The following FGF13 variants were observed in gnomAD, a reference collection of about 807,000 sequenced individuals.
The protein encoded by FGF13 is fibroblast growth factor homologous factor 2.
Under a neutral mutation model 19.5 loss-of-function variants are expected in FGF13, and 2 were observed. The ratio of observed to expected loss-of-function variants is 0.10; its 90% CI spans 0.04 to 0.32. The LOEUF (loss-of-function observed/expected upper bound fraction) is 0.32, where lower values mean the gene tolerates loss of function less well. FGF13 is among the 10% of genes least tolerant of loss of function. FGF13 has a pLI of 1.00. For synonymous variants in FGF13, 72 were observed against 76.9 expected (o/e 0.94, Z 0.33); for missense variants, 113 against 192.7 (o/e 0.59, Z 2.45).
chrX:138,745,213 G>A (rs2090346531), intron 3 of FGF13, among the ~76,000 whole-genome samples: 1 of 112,085 alleles, frequency 8.9e-6, no homozygotes, highest in South Asian at 3.7e-4. Flanking sequence ...TAAACTTGAT[G>A]CCTGAACCTT....
At chrX:138,726,022 A>G (rs757648681) in intron 1 of FGF13, among the ~76,000 whole-genome samples, 7 of 111,060 alleles carry the variant, frequency 6.3e-5, no homozygotes, top group Non-Finnish European at 1.3e-4. Flanking sequence ...TTTTCCTGCC[A>G]ACTCGTCTTA....
chrX:139,174,804 T>C lies in FGF13; in HGVS notation c.-113+28612A>G, dbSNP rs181257720. Among the ~76,000 whole-genome samples the C allele has an allele frequency of 5.0e-4, 56 of 112,470 alleles. No individual in the cohort carries two copies. In the East Asian group the frequency reaches 0.013, roughly 26 times the overall value. Reference sequence around the variant, plus strand: ...TGCTGTTTTGCTTACTGTAGCCTTGTAGTATAGTTTGAAGTCAGGTAGTGT... The same window carrying C: ...TGCTGTTTTGCTTACTGTAGCCTTGCAGTATAGTTTGAAGTCAGGTAGTGT... On this transcript the variant is annotated intron_variant, in intron 1 of 2. Coordinates refer to the FGF13 transcript ENST00000421460.
At chrX:139,047,575 C>G (rs760980429) in intron 1 of FGF13, among the ~76,000 whole-genome samples, 1 of 111,551 alleles carries the variant, frequency 9.0e-6, no homozygotes, top group Admixed American at 9.5e-5. Flanking sequence ...AGAAAATATG[C>G]TAGCTTTGCC....
At chrX:138,904,620 G>C (rs1333778846) in intron 1 of FGF13, among the ~76,000 whole-genome samples, 1 of 111,465 alleles carries the variant, frequency 9.0e-6, no homozygotes, top group Non-Finnish European at 1.9e-5. Flanking sequence ...ACTCTTGGGT[G>C]CACATTTAAA....
chrX:138,890,185 T>A (rs1269265132), intron 1 of FGF13, among the ~76,000 whole-genome samples: 1 of 111,632 alleles, frequency 9.0e-6, no homozygotes, highest in Non-Finnish European at 1.9e-5. Context: ...TGCCTCAGCC[T>A]CCCAAAGTGC....
At chrX:138,834,160 C>T (rs1285062248) in intron 3 of FGF13, among the ~76,000 whole-genome samples, 1 of 111,847 alleles carries the variant, frequency 8.9e-6, no homozygotes, top group Non-Finnish European at 1.9e-5. Flanking sequence ...ATGCTGGCCT[C>T]ACAGAATGAG....
intron 1 of FGF13, among the ~76,000 whole-genome samples, chrX:139,067,906 C>A (rs5976262): frequency 9.6e-6 from 1 of 103,663 alleles, no homozygotes; most frequent in Non-Finnish European, 2.0e-5. Context: ...GATGAGTAGG[C>A]TGTGAAAATT....
At chrX:138,780,514 C>T (rs2090630658) in intron 3 of FGF13, among the ~76,000 whole-genome samples, 1 of 88,441 alleles carries the variant, frequency 1.1e-5, no homozygotes, top group African/African-American at 4.5e-5. Context: ...GGGTTGCAAT[C>T]CTAGTCTCTG....
intron 1 of FGF13, among the ~76,000 whole-genome samples, chrX:139,045,987 C>T (rs1276527265): frequency 1.8e-5 from 2 of 111,692 alleles, no homozygotes; most frequent in Admixed American, 9.5e-5. Context: ...ATAGCAATAC[C>T]CCACTCGTGG....
At chrX:138,699,942 T>A (rs2089930768) in intron 3 of FGF13, among the ~76,000 whole-genome samples, 1 of 111,689 alleles carries the variant, frequency 9.0e-6, no homozygotes, top group African/African-American at 3.3e-5. Context: ...TCAGCCTAAA[T>A]GCCAGAGGCA....
At chrX:138,783,979 G>A (rs1337233303) in intron 3 of FGF13, among the ~76,000 whole-genome samples, 1 of 101,791 alleles carries the variant, frequency 9.8e-6, no homozygotes, top group African/African-American at 3.6e-5. Flanking sequence ...GGAATACTAT[G>A]CAGCCATAAA....
At chrX:138,875,599 T>G (rs2091384063) in intron 1 of FGF13, among the ~76,000 whole-genome samples, 1 of 112,069 alleles carries the variant, frequency 8.9e-6, no homozygotes, top group Non-Finnish European at 1.9e-5. Context: ...GAGTGTTTTT[T>G]TTCTTAATCG....
chrX:139,181,508 T>C (rs1323693821), intron 1 of FGF13, among the ~76,000 whole-genome samples: 1 of 112,510 alleles, frequency 8.9e-6, no homozygotes, highest in Non-Finnish European at 1.9e-5. Context: ...AAGTGGCAAA[T>C]TGAGGGCGGT....
intron 1 of FGF13, among the ~76,000 whole-genome samples, chrX:139,093,267 C>T (rs973867333): frequency 2.7e-5 from 3 of 112,063 alleles, no homozygotes; most frequent in African/African-American, 9.7e-5. Context: ...CACAATCACA[C>T]CTCAGCTTTC....
intron 1 of FGF13, among the ~76,000 whole-genome samples, chrX:139,174,707 G>C (rs1053433672): frequency 2.7e-5 from 3 of 111,887 alleles, no homozygotes; most frequent in African/African-American, 9.8e-5. Context: ...GAAGGTTGTA[G>C]ATGTGTGGCT....
chrX:139,046,846 C>T (rs1010228128), intron 1 of FGF13, among the ~76,000 whole-genome samples: 1 of 111,545 alleles, frequency 9.0e-6, no homozygotes, highest in African/African-American at 3.3e-5. Context: ...ATAGGTTGAA[C>T]AATAAAGGGT....
At chrX:139,164,906 G>GAA (rs779184061) in intron 1 of FGF13, among the ~76,000 whole-genome samples, 1 of 103,423 alleles carries the variant, frequency 9.7e-6, no homozygotes, top group East Asian at 3.0e-4. Flanking sequence ...TTGCCAAACT[G>GAA]AAAAAAAAAA....
At chrX:138,794,776 C>T (rs1408872946) in intron 3 of FGF13, among the ~76,000 whole-genome samples, 1 of 111,798 alleles carries the variant, frequency 8.9e-6, no homozygotes, top group African/African-American at 3.3e-5. Context: ...GTGCTTTTAA[C>T]AGTCTCTATC....
intron 1 of FGF13, among the ~76,000 whole-genome samples, chrX:139,153,497 T>C (rs2083952173): frequency 9.0e-6 from 1 of 111,299 alleles, no homozygotes; most frequent in Admixed American, 9.5e-5. Context: ...CAATTTCTTC[T>C]AGGACTTTCC....
Sources: allele counts gnomAD v4.1 joint callset (sites outside exome capture counted in the v4.1 genomes callset), GRCh38; gene constraint gnomAD v4.1.1; transcripts MANE v1.5; gene names NCBI Gene and HGNC (gene_info 2026-07-23, HGNC 2026-07-21).